PARN: variants seen among roughly 807,000 people sequenced by gnomAD.
PARN encodes the protein poly(A)-specific ribonuclease, also known as poly(A)-specific ribonuclease PARN.
In PARN, 71 loss-of-function variants were observed where a neutral mutation model predicts 102.8. The ratio of observed to expected loss-of-function variants is 0.69; its 90% CI spans 0.57 to 0.84. The LOEUF is 0.84. Among genes scored for constraint, PARN ranks in the 40% least tolerant of loss-of-function variants. PARN has a pLI of 0.00. For missense variants in PARN, 782 were observed against 760.9 expected, an observed-to-expected ratio of 1.03 and a Z score of -0.33; for synonymous variants, 261 against 252.9, an observed-to-expected ratio of 1.03 and a Z score of -0.30.
At chr16:14,461,202 G>A (rs1009315410) in intron 22 of PARN, among the ~76,000 whole-genome samples, 28 of 152,248 alleles carry the variant, frequency 1.8e-4, no homozygotes, top group East Asian at 9.6e-4. Flanking sequence ...AGAAACCATC[G>A]TGGTCTAAAG....
chr16:14,586,196 G>A, intron 14 of PARN, 122 bp downstream of exon 14: 1 of 633,300 alleles, frequency 1.6e-6, no homozygotes, highest in South Asian at 2.0e-5. Context: ...GGCTGGTTCT[G>A]AACTCCCTAG....
At chr16:14,481,715 T>C (rs1200277768) in intron 22 of PARN, among the ~76,000 whole-genome samples, 2 of 152,206 alleles carry the variant, frequency 1.3e-5, no homozygotes, top group Non-Finnish European at 2.9e-5. Context: ...TTCTGGGTGT[T>C]GGGATTATGG....
At chr16:14,511,963 A>G (rs1209162848) in intron 21 of PARN, among the ~76,000 whole-genome samples, 3 of 152,224 alleles carry the variant, frequency 2.0e-5, no homozygotes, top group African/African-American at 7.2e-5. Context: ...CACTGGGATT[A>G]TAGGTGTGAG....
intron 22 of PARN, among the ~76,000 whole-genome samples, chr16:14,473,533 A>G (rs1191983293): frequency 6.6e-6 from 1 of 152,208 alleles, no homozygotes; most frequent in African/African-American, 2.4e-5. Flanking sequence ...TCTGCTCCTT[A>G]GCTATAGAAC....
At chr16:14,581,026 T>A in intron 17 of PARN, 83 bp from the exon 18 acceptor site, 2 of 764,604 alleles carry the variant, frequency 2.6e-6, no homozygotes, top group Non-Finnish European at 2.3e-6. Flanking sequence ...AGATTTAAAT[T>A]AACAGCATGG....
chr16:14,595,675 G>A (rs1164748348), intron 12 of PARN, among the ~76,000 whole-genome samples: 1 of 152,108 alleles, frequency 6.6e-6, no homozygotes, highest in Non-Finnish European at 1.5e-5. Context: ...TGGGATTACA[G>A]GTGGCACCAC....
At position 14,463,682 on chromosome 16, in the gene PARN, T is replaced by C. The variant is rs193230708; in HGVS notation, c.1671-16601A>G. 5.3e-4 allele frequency among the ~76,000 whole-genome samples: 81 copies of C among 152,172 alleles called. No individual in the cohort carries two copies. In the East Asian group the frequency reaches 0.014, roughly 27 times the overall value. The stretch of plus-strand genomic sequence containing the variant: ...CAAAATAAAACACAGAGAAAAAGAA[T>C]TTTAAAAATTAAAGAGAGCATCTGT... On this transcript the variant is annotated intron_variant, in intron 22 of 23. Transcript: ENST00000437198.
chr16:14,485,694 ATATT>A lies in PARN; in HGVS notation c.1481-2871_1481-2868del, dbSNP rs1963636710. Among the ~76,000 whole-genome samples the A allele has an allele frequency of 2.7e-5, 4 of 150,482 alleles. No individual in the cohort carries two copies. In the East Asian group the frequency reaches 7.8e-4, roughly 29 times the overall value. ...AAGAAAGTTCTTTATTTTTATTAAT[ATATT>A]TATTTATTTGAGACAGTCTTGCTCT... is the stretch of plus-strand genomic sequence containing the variant. On this transcript the variant is annotated intron_variant, in intron 21 of 23. Coordinates refer to ENST00000437198, the MANE Select transcript of PARN (RefSeq NM_002582.4).
At chr16:14,574,586 A>G (rs1191168721) in intron 18 of PARN, among the ~76,000 whole-genome samples, 1 of 151,942 alleles carries the variant, frequency 6.6e-6, no homozygotes, top group Non-Finnish European at 1.5e-5. Context: ...GGTGGCGCAC[A>G]CCTGTAATCC....
intron 13 of PARN, among the ~76,000 whole-genome samples, chr16:14,588,807 G>T (rs1182952679): frequency 6.6e-6 from 1 of 152,038 alleles, no homozygotes. Flanking sequence ...ACTTGAACTT[G>T]GGAGAGGGAG....
chr16:14,477,692 T>C (rs1016311906), intron 22 of PARN, among the ~76,000 whole-genome samples: 1 of 150,582 alleles, frequency 6.6e-6, no homozygotes, highest in Non-Finnish European at 1.5e-5. Flanking sequence ...GGCAGGAAAA[T>C]TGCTTGAACC....
intron 21 of PARN, among the ~76,000 whole-genome samples, chr16:14,540,970 T>C (rs1337484334): frequency 2.0e-5 from 3 of 151,290 alleles, no homozygotes; most frequent in Admixed American, 6.6e-5. Context: ...AACAAAAAAA[T>C]AGATGCCATA....
rs953167469 is a variant in PARN, at chr16:14,617,470, G to A, written c.388+120C>T. 56 of 656,648 alleles carry A rather than the reference G, an allele frequency of 8.5e-5. No individual in the cohort carries two copies. The East Asian group carries it at 1.2e-3, about 14-fold the overall frequency. The allele number at this position is 656,648 out of a possible 1,614,324, so 40.7% of individuals were successfully genotyped here. ...GTGTACTGGCTGCACATGTATGCTGGAACTCTAAGACTGTGTCTCAGCAGG... is the reference window on the plus strand; with the variant it reads ...GTGTACTGGCTGCACATGTATGCTGAAACTCTAAGACTGTGTCTCAGCAGG... On this transcript the variant is annotated intron_variant, in intron 6 of 23. Transcript: ENST00000437198.
intron 5 of PARN, among the ~76,000 whole-genome samples, chr16:14,620,966 C>G (rs566953142): frequency 1.1e-4 from 16 of 152,164 alleles, no homozygotes; most frequent in Non-Finnish European, 1.6e-4. Context: ...AAGGTAAATA[C>G]CGTATATATC....
intron 5 of PARN, among the ~76,000 whole-genome samples, chr16:14,625,717 C>T (rs962839467): frequency 6.6e-6 from 1 of 152,148 alleles, no homozygotes; most frequent in East Asian, 1.9e-4. Flanking sequence ...TTATATACTG[C>T]CAGTTTTGAG....
chr16:14,608,173 C>A (rs183049527), intron 9 of PARN, 108 bp downstream of exon 9: 286 of 784,726 alleles, frequency 3.6e-4, no homozygotes, highest in Non-Finnish European at 5.7e-4. Flanking sequence ...GTAGTCAAAT[C>A]ACTGAGAACC....
intron 5 of PARN, among the ~76,000 whole-genome samples, chr16:14,626,395 C>A (rs986259013): frequency 6.6e-6 from 1 of 152,106 alleles, no homozygotes; most frequent in Non-Finnish European, 1.5e-5. Context: ...GTGATTCTCC[C>A]GTCTTGGCCT....
chr16:14,479,918 A>AT (rs1424591422), intron 22 of PARN, among the ~76,000 whole-genome samples: 1 of 147,090 alleles, frequency 6.8e-6, no homozygotes, highest in African/African-American at 2.6e-5. Flanking sequence ...CAAACCTTCT[A>AT]CCAAAAAAAA....
intron 22 of PARN, among the ~76,000 whole-genome samples, chr16:14,459,738 G>T (rs146721770): frequency 6.6e-6 from 1 of 152,272 alleles, no homozygotes; most frequent in East Asian, 1.9e-4. Context: ...TACAATATTT[G>T]ATTTCAAGGC....
Sources: gnomAD v4.1 joint callset for allele counts (sites outside exome capture counted in the v4.1 genomes callset) on GRCh38, gnomAD v4.1.1 for gene constraint, MANE v1.5 for transcripts, NCBI Gene and HGNC (gene_info 2026-07-23, HGNC 2026-07-21) for gene names.